GCAT: variants seen among roughly 807,000 people sequenced by gnomAD.
The protein encoded by GCAT is glycine C-acetyltransferase, also known as 2-amino-3-ketobutyrate coenzyme A ligase, mitochondrial.
In GCAT, 26 loss-of-function variants were observed where a neutral mutation model predicts 39.7. That is an observed-to-expected ratio of 0.65 (90% CI 0.48 to 0.91). The LOEUF (loss-of-function observed/expected upper bound fraction) is 0.91, where lower values mean the gene tolerates loss of function less well. Ranked by LOEUF, GCAT falls within the 40% of genes least tolerant of loss-of-function variation. The pLI, the probability that GCAT is intolerant of heterozygous loss-of-function variation, is 0.00. For missense variants in GCAT, 550 were observed against 576.2 expected, an observed-to-expected ratio of 0.95 and a Z score of 0.47; for synonymous variants, 218 against 237.2, an observed-to-expected ratio of 0.92 and a Z score of 0.74.
chr22:37,809,899 C>G, intron 1 of GCAT, 128 bp from the exon 2 acceptor site: 1 of 1,223,142 alleles, frequency 8.2e-7, no homozygotes, highest in Non-Finnish European at 1.2e-6. Flanking sequence ...AATTTGGTGC[C>G]TCCTCAATGG....
intron 7 of GCAT, 73 bp from the exon 8 acceptor site, chr22:37,816,127 G>A (rs1217559392): frequency 1.1e-5 from 17 of 1,558,372 alleles, no homozygotes; most frequent in Non-Finnish European, 1.4e-5. Context: ...TAGACCTCGG[G>A]CCTGGTCCCT....
Position 37,816,849 on chromosome 22 carries a change from T to A in GCAT, c.*131T>A. On this transcript the variant is annotated 3_prime_UTR_variant, in exon 9 of 9. Transcript: ENST00000248924. ...CAGAGCTGGGCTGGGACGTGACCTG[T>A]GCTGAGGGCTGTGAGAATGTGAAAC... is the stretch of plus-strand genomic sequence containing the variant. 1 of 789,878 alleles carries A rather than the reference T, an allele frequency of 1.3e-6. No homozygotes were observed. Among genetic ancestry groups the A allele is most frequent in the Non-Finnish European group, 2.0e-6 (1 of 495,846 alleles). 48.9% of individuals were successfully genotyped at this position (789,878 alleles called of 1,614,324 possible).
chr22:37,812,688 C>G (rs1367975942), intron 2 of GCAT, among the ~76,000 whole-genome samples, 199 bp from the exon 3 acceptor site: 1 of 152,184 alleles, frequency 6.6e-6, no homozygotes, highest in Non-Finnish European at 1.5e-5. Flanking sequence ...GGGAACCTAA[C>G]AGGTCCCCAG....
intron 6 of GCAT, 72 bp from the exon 7 acceptor site, chr22:37,815,591 A>G: frequency 6.7e-7 from 1 of 1,485,718 alleles, no homozygotes; most frequent in Middle Eastern, 2.4e-4. Flanking sequence ...CATGGACTGT[A>G]CTTTCAGGAG....
chr22:37,809,856 T>C, intron 1 of GCAT, 171 bp from the exon 2 acceptor site: 2 of 778,184 alleles, frequency 2.6e-6, no homozygotes, highest in Middle Eastern at 2.3e-4. Flanking sequence ...CTCTTCAAGA[T>C]GTGTAGCACT....
chr22:37,815,554 A>G, intron 6 of GCAT, 54 bp downstream of exon 6: 1 of 1,528,298 alleles, frequency 6.5e-7, no homozygotes, highest in Admixed American at 1.7e-5. Flanking sequence ...AGGGCCCTGG[A>G]GGGGCTCAGG....
chr22:37,813,344 C>T, intron 3 of GCAT, 119 bp from the exon 4 acceptor site: 1 of 1,132,094 alleles, frequency 8.8e-7, no homozygotes, highest in African/African-American at 1.5e-5. Context: ...AACACCTTGC[C>T]TCTCTACCCA....
rs369346663 is a variant in GCAT, at chr22:37,815,779, G to T, written c.931G>T (p.Asp311Tyr). ...CGTTGGCTGCGCCTCCAAGGCCCTA[G>T]ATCTGCTGATGGGGAGTAACACCAT... ...AVVGCASKALDLLMGSNTIVQ... is the reference protein window; with the variant it reads ...AVVGCASKALYLLMGSNTIVQ... Residue 311 changes from aspartate (D) to tyrosine (Y), a missense_variant, in exon 7 of 9, where the codon GAT becomes TAT. Physicochemically the swap from Asp to Tyr is radical, Grantham distance 160 (BLOSUM62 -3). Transcript: ENST00000248924. The T allele has an allele frequency of 2.2e-5, 35 of 1,613,916 alleles. 1 individual carries two copies. The East Asian group carries it at 3.1e-4, about 14-fold the overall frequency.
chr22:37,815,888 C>A (rs1922136563), intron 7 of GCAT, 54 bp downstream of exon 7: 2 of 1,594,026 alleles, frequency 1.3e-6, no homozygotes, highest in Non-Finnish European at 8.6e-7. Context: ...TGAGAGCCAG[C>A]CTCATGTGTC....
intron 3 of GCAT, 157 bp downstream of exon 3, chr22:37,813,145 T>C: frequency 1.5e-6 from 1 of 651,132 alleles, no homozygotes; most frequent in Non-Finnish European, 2.8e-6. Flanking sequence ...AGGTAGGTGC[T>C]CCAGGAGGAA....
intron 2 of GCAT, among the ~76,000 whole-genome samples, chr22:37,812,227 C>T (rs926712771): frequency 2.6e-5 from 4 of 151,810 alleles, no homozygotes; most frequent in African/African-American, 9.7e-5. Flanking sequence ...GTCCCAGCTA[C>T]TAGGGAGGGG....
rs1286426187 is a variant in GCAT, at chr22:37,813,465, C to T, written c.432C>T (p.Ala144=). 1 of 1,597,272 alleles carries T rather than the reference C, an allele frequency of 6.3e-7. No individual in the cohort carries two copies. Among genetic ancestry groups the T allele is most frequent in the Non-Finnish European group, 8.5e-7 (1 of 1,172,110 alleles). Reference sequence around the variant, plus strand: ...CTACGCTCACTGCCTCCCTCCAGGCCCTGCTGACCCCAGAGGACGCAGTCC... The same window carrying T: ...CTACGCTCACTGCCTCCCTCCAGGCTCTGCTGACCCCAGAGGACGCAGTCC... ...CYDANAGLFE[A]LLTPEDAVLS... Residue 144 remains alanine, a splice_region_variant and synonymous_variant, in exon 4 of 9, where the codon GCC becomes GCT. Transcript: ENST00000248924.
At chr22:37,813,093 C>T (rs1424656539) in intron 3 of GCAT, 105 bp downstream of exon 3, 1 of 832,664 alleles carries the variant, frequency 1.2e-6, no homozygotes, top group African/African-American at 1.7e-5. Context: ...AGTGCCATGC[C>T]TAGAGGCTCC....
chr22:37,808,246 C>T, intron 1 of GCAT, 83 bp downstream of exon 1: 2 of 1,107,406 alleles, frequency 1.8e-6, no homozygotes, highest in Non-Finnish European at 1.2e-6. Context: ...GGGTGGGCGG[C>T]TCCTACACTC....
At position 37,815,749 on chromosome 22, in the gene GCAT, G is replaced by T; in HGVS notation, c.901G>T (p.Ala301Ser). The T allele has an allele frequency of 6.2e-7, 1 of 1,613,612 alleles. No individual in the cohort carries two copies. The highest frequency in any genetic ancestry group is 8.5e-7 in the Non-Finnish European group (1 of 1,179,698). ...CCTCTTCTCCAACAGTCTGCCACCT[G>T]CTGTCGTTGGCTGCGCCTCCAAGGC... ...PYLFSNSLPPAVVGCASKALD... is the reference protein window; with the variant it reads ...PYLFSNSLPPSVVGCASKALD... Residue 301 changes from alanine to serine, a missense_variant, in exon 7 of 9, where the codon GCT becomes TCT. Ala to Ser is a moderately conservative substitution (Grantham distance 99). Coordinates refer to ENST00000248924, the MANE Select transcript of GCAT (RefSeq NM_014291.4).
In GCAT at chr22:37,813,397, A is replaced by C. The variant is rs1227765120; in HGVS notation, c.430-66A>C. 4 of 1,491,078 alleles carry C rather than the reference A, an allele frequency of 2.7e-6. No homozygotes were observed. In the South Asian group the frequency reaches 4.8e-5, roughly 18 times the overall value. 92.4% of individuals were successfully genotyped at this position (1,491,078 alleles called of 1,614,324 possible). On this transcript the variant is annotated intron_variant, in intron 3 of 8. Coordinates refer to ENST00000248924, the MANE Select transcript of GCAT (RefSeq NM_014291.4). ...GCAGTACAGTTTTTTGATTTGCTGG[A>C]GTCCCGGTCAAGGGAGAAGCCCAGG...
chr22:37,811,480 C>CAAAAAAAAAAAAAAAAAAAAAA, intron 2 of GCAT, among the ~76,000 whole-genome samples: 1 of 46,868 alleles, frequency 2.1e-5, no homozygotes, highest in Non-Finnish European at 3.8e-5. Flanking sequence ...GACTCTGTCT[C>CAAAAAAAAAAAAAAAAAAAAAA]AAAAAAAAAA....
chr22:37,816,944 C>T (rs973086292), downstream of GCAT: 4 of 513,250 alleles, frequency 7.8e-6, no homozygotes, highest in East Asian at 3.2e-5. Context: ...GTCCTGTGGC[C>T]GGTTGAAGAA....
intron 2 of GCAT, among the ~76,000 whole-genome samples, chr22:37,811,066 C>T (rs1406030669): frequency 3.3e-5 from 5 of 152,204 alleles, no homozygotes; most frequent in African/African-American, 1.2e-4. Flanking sequence ...CAGTGCTGCC[C>T]TTTAGTGTCC....
Sources: gnomAD v4.1 joint callset for allele counts (sites outside exome capture counted in the v4.1 genomes callset) on GRCh38, gnomAD v4.1.1 for gene constraint, MANE v1.5 for transcripts, NCBI Gene and HGNC (gene_info 2026-07-23, HGNC 2026-07-21) for gene names.